ARHGEF6: variants seen among roughly 807,000 people sequenced by gnomAD.
ARHGEF6 encodes rho guanine nucleotide exchange factor 6.
In ARHGEF6, 9 loss-of-function variants were observed where a neutral mutation model predicts 70.3. The observed-to-expected ratio is 0.13, with a 90% CI of 0.08 to 0.22. The LOEUF (loss-of-function observed/expected upper bound fraction) is 0.22, where lower values mean the gene tolerates loss of function less well. Ranked by LOEUF, ARHGEF6 falls within the 10% of genes least tolerant of loss-of-function variation. The pLI, the probability that ARHGEF6 is intolerant of heterozygous loss-of-function variation, is 1.00. For missense variants in ARHGEF6, 470 were observed against 563.0 expected, an observed-to-expected ratio of 0.83 and a Z score of 1.67; for synonymous variants, 201 against 207.8, an observed-to-expected ratio of 0.97 and a Z score of 0.28.
intron 2 of ARHGEF6, among the ~76,000 whole-genome samples, chrX:136,757,393 T>A (rs1181289135): frequency 8.9e-6 from 1 of 112,132 alleles, no homozygotes; most frequent in Non-Finnish European, 1.9e-5. Context: ...CAAGATGCCA[T>A]CTCAAAAAAT....
intron 15 of ARHGEF6, 52 bp from the exon 16 acceptor site, chrX:136,679,712 T>G: frequency 8.3e-7 from 1 of 1,198,301 alleles, no homozygotes; most frequent in Non-Finnish European, 1.1e-6. Context: ...AACCCGACCT[T>G]GTGCCACACA....
chrX:136,685,739 T>C lies in ARHGEF6; in HGVS notation c.1330A>G (p.Ile444Val). The C allele has an allele frequency of 8.3e-7, 1 of 1,210,830 alleles. No individual in the cohort carries two copies. Among genetic ancestry groups the C allele is most frequent in the Non-Finnish European group, 1.1e-6 (1 of 894,556 alleles). ...EPIQAWEGED[I>V]KNLGNVIFMS... ...AAAATCACATTTCCCAAGTTTTTAA[T>C]ATCTTCTCCTTCCCATGCCTGAATA... The change falls in exon 12 of 22, where the codon ATT becomes GTT. Residue 444 changes from isoleucine to valine, a missense_variant. Coordinates refer to ENST00000250617, the MANE Select transcript of ARHGEF6 (RefSeq NM_004840.3).
At position 136,714,739 on chromosome X, in the gene ARHGEF6, T is replaced by C. The variant is rs1042934918; in HGVS notation, c.733-1369A>G. 2.3e-4 allele frequency among the ~76,000 whole-genome samples: 26 copies of C among 111,311 alleles called. No individual in the cohort carries two copies. In the Middle Eastern group the frequency reaches 0.014, roughly 59 times the overall value. ...TGGGTTCTCTGGGAAACCACTGGAG[T>C]GCAGGGTGGTAGTCCTGACTCTGCT... On this transcript the variant is annotated intron_variant, in intron 6 of 21. Coordinates refer to ENST00000250617, the MANE Select transcript of ARHGEF6 (RefSeq NM_004840.3).
In ARHGEF6 at chrX:136,748,956, C is replaced by A. The variant is rs762801276; in HGVS notation, c.250-1364G>T. ...AGATACATGCAAATGCAAACCTACA[C>A]AAGTCTGCCTATTCTAGGATTCACT... is the stretch of plus-strand genomic sequence containing the variant. On this transcript the variant is annotated intron_variant, in intron 2 of 21. Transcript: ENST00000250617. Among the ~76,000 whole-genome samples the A allele has an allele frequency of 5.8e-4, 65 of 112,006 alleles. 1 individual carries two copies. Among genetic ancestry groups the A allele is most frequent in the African/African-American group, 2.0e-3 (63 of 30,843 alleles).
At chrX:136,771,647 A>C (rs1044617290) in intron 2 of ARHGEF6, among the ~76,000 whole-genome samples, 4 of 112,442 alleles carry the variant, frequency 3.6e-5, no homozygotes, top group African/African-American at 1.3e-4. Context: ...ACAGGAAAAA[A>C]ATTCTTCAAG....
At chrX:136,776,083 T>C (rs2077402041) in intron 2 of ARHGEF6, among the ~76,000 whole-genome samples, 1 of 111,456 alleles carries the variant, frequency 9.0e-6, no homozygotes, top group African/African-American at 3.3e-5. Flanking sequence ...CATGGATGGG[T>C]AGAATCAATA....
chrX:136,685,469 T>C (rs2076373997), intron 12 of ARHGEF6, among the ~76,000 whole-genome samples: 1 of 109,852 alleles, frequency 9.1e-6, no homozygotes, highest in Non-Finnish European at 1.9e-5. Context: ...GCATTTGACT[T>C]TGATGGAAGA....
At chrX:136,718,889 C>G (rs2076765673) in intron 6 of ARHGEF6, among the ~76,000 whole-genome samples, 3 of 107,205 alleles carry the variant, frequency 2.8e-5, no homozygotes. Flanking sequence ...TTAGAAGTAG[C>G]TATATAAAAG....
At chrX:136,767,679 C>T in intron 2 of ARHGEF6, 1 of 754,522 alleles carries the variant, frequency 1.3e-6, no homozygotes, top group Non-Finnish European at 1.6e-6. Context: ...GAAGCTTCTC[C>T]AGACCACGCT....
chrX:136,712,421 C>G (rs943123175), intron 7 of ARHGEF6, among the ~76,000 whole-genome samples: 1 of 112,386 alleles, frequency 8.9e-6, no homozygotes, highest in South Asian at 3.6e-4. Flanking sequence ...GGCCAAATTT[C>G]TCAAATATAT....
At position 136,752,031 on chromosome X, in the gene ARHGEF6, A is replaced by G. The variant is rs190272248; in HGVS notation, c.250-4439T>C. On this transcript the variant is annotated intron_variant, in intron 2 of 21. Transcript: ENST00000250617. Reference sequence around the variant, plus strand: ...TACACAAGAAAATGCTCTGAGGGGCATTGTAGCCCTGCATGTACACCTTAT... The same window carrying G: ...TACACAAGAAAATGCTCTGAGGGGCGTTGTAGCCCTGCATGTACACCTTAT... Among the ~76,000 whole-genome samples the G allele has an allele frequency of 9.6e-4, 107 of 111,729 alleles. No individual in the cohort carries two copies. The East Asian group carries it at 0.027, about 28-fold the overall frequency.
intron 5 of ARHGEF6, among the ~76,000 whole-genome samples, chrX:136,742,334 A>AC (rs762024646): frequency 2.9e-3 from 318 of 110,995 alleles, no homozygotes; most frequent in Middle Eastern, 0.014. Context: ...AACAACAACA[A>AC]AAAAAAATAG....
At chrX:136,734,814 G>A (rs1023754790) in intron 5 of ARHGEF6, among the ~76,000 whole-genome samples, 1 of 111,720 alleles carries the variant, frequency 9.0e-6, no homozygotes, top group Non-Finnish European at 1.9e-5. Flanking sequence ...TTCATCCTAG[G>A]TTGGTTAAAT....
intron 13 of ARHGEF6, 76 bp downstream of exon 13, chrX:136,682,682 G>A (rs894967413): frequency 1.8e-5 from 14 of 788,869 alleles, no homozygotes; most frequent in African/African-American, 1.6e-4. Context: ...TAATGCCATA[G>A]TGGAGATATT....
chrX:136,675,379 C>T (rs1192680075), intron 18 of ARHGEF6, among the ~76,000 whole-genome samples: 3 of 110,201 alleles, frequency 2.7e-5, no homozygotes, highest in Non-Finnish European at 3.8e-5. Flanking sequence ...TCAGTGGTCT[C>T]AGTGAGGCCA....
At chrX:136,756,157 C>T (rs1265715760) in intron 2 of ARHGEF6, among the ~76,000 whole-genome samples, 1 of 111,632 alleles carries the variant, frequency 9.0e-6, no homozygotes, top group Admixed American at 9.5e-5. Flanking sequence ...AGAGATATCA[C>T]TTAGGAAAGA....
chrX:136,727,325 TTTTCTTTCTTTCTTTCTTTCTTTC>T (rs745840487), intron 6 of ARHGEF6, among the ~76,000 whole-genome samples: 12 of 61,114 alleles, frequency 2.0e-4, no homozygotes, highest in East Asian at 1.2e-3. Context: ...CTTTCTTTCT[TTTTCTTTCTTTCTTTCTTTCTTTC>T]TTTCTTTCTT....
chrX:136,686,707 T>TATACACATGTGTATATATATATAC (rs1569394166), intron 11 of ARHGEF6, among the ~76,000 whole-genome samples: 1 of 27,337 alleles, frequency 3.7e-5, no homozygotes, highest in Non-Finnish European at 6.9e-5. Flanking sequence ...CATATATATA[T>TATACACATGTGTATATATATATAC]ACATATATAT....
intron 2 of ARHGEF6, among the ~76,000 whole-genome samples, chrX:136,766,156 G>C (rs768341028): frequency 8.9e-6 from 1 of 112,440 alleles, no homozygotes; most frequent in Non-Finnish European, 1.9e-5. Flanking sequence ...ACATTTTGGA[G>C]AGAGGTGCTC....
Sources: gnomAD v4.1 joint callset for allele counts (sites outside exome capture counted in the v4.1 genomes callset) on GRCh38, gnomAD v4.1.1 for gene constraint, MANE v1.5 for transcripts, NCBI Gene and HGNC (gene_info 2026-07-23, HGNC 2026-07-21) for gene names.